The following CA10 variants were observed in gnomAD, a reference collection of about 807,000 sequenced individuals.
The protein encoded by CA10 is carbonic anhydrase 10 (inactive), also known as carbonic anhydrase-related protein 10.
In CA10, 14 loss-of-function variants were observed where a neutral mutation model predicts 44.2. That is an observed-to-expected ratio of 0.32 (90% CI 0.21 to 0.50). The LOEUF is 0.50. CA10 is among the 20% of genes least tolerant of loss of function. The probability of loss-of-function intolerance (pLI) is 0.99; values close to 1 mark genes in which losing one functional copy is unlikely to be tolerated. For synonymous variants in CA10, 159 were observed against 141.6 expected, an observed-to-expected ratio of 1.12 and a Z score of -0.87; for missense variants, 350 against 409.7, an observed-to-expected ratio of 0.85 and a Z score of 1.26.
chr17:51,975,538 G>T (rs1984431996), intron 2 of CA10, among the ~76,000 whole-genome samples: 1 of 152,208 alleles, frequency 6.6e-6, no homozygotes, highest in Non-Finnish European at 1.5e-5. Context: ...AACGTAGACA[G>T]GCATGGTGGC....
intron 1 of CA10, among the ~76,000 whole-genome samples, chr17:52,125,207 C>T (rs754418403): frequency 7.2e-5 from 11 of 152,200 alleles, no homozygotes; most frequent in East Asian, 1.9e-4. Context: ...TGAGTGCTTC[C>T]GCCATCGTGG....
chr17:51,963,549 C>G (rs914291622), intron 2 of CA10, among the ~76,000 whole-genome samples: 2 of 152,166 alleles, frequency 1.3e-5, no homozygotes, highest in African/African-American at 4.8e-5. Flanking sequence ...AAGGAACCAC[C>G]TAAGGCTAAC....
chr17:51,694,222 A>G (rs1915324854), intron 4 of CA10, among the ~76,000 whole-genome samples: 1 of 151,706 alleles, frequency 6.6e-6, no homozygotes, highest in African/African-American at 2.4e-5. Flanking sequence ...AAAAAAAAAG[A>G]AATCTCCAAA....
chr17:51,737,502 AGAG>A (rs1916951970), intron 4 of CA10, among the ~76,000 whole-genome samples: 1 of 152,132 alleles, frequency 6.6e-6, no homozygotes, highest in Non-Finnish European at 1.5e-5. Context: ...CTATCACAGA[AGAG>A]TTTTCTTTGC....
At chr17:51,676,234 A>T (rs552551016) in intron 4 of CA10, among the ~76,000 whole-genome samples, 2 of 152,316 alleles carry the variant, frequency 1.3e-5, no homozygotes, top group South Asian at 2.1e-4. Flanking sequence ...TTGAGCACTT[A>T]TGTGTGCCAG....
chr17:51,964,288 AACTT>A (rs1176539224), intron 2 of CA10, among the ~76,000 whole-genome samples: 2 of 152,074 alleles, frequency 1.3e-5, no homozygotes, highest in African/African-American at 4.8e-5. Context: ...CTGTAGAAAA[AACTT>A]ACACAGCCAC....
At chr17:51,924,414 T>C (rs749682319) in intron 3 of CA10, among the ~76,000 whole-genome samples, 6 of 152,206 alleles carry the variant, frequency 3.9e-5, no homozygotes, top group African/African-American at 7.2e-5. Flanking sequence ...GAAGCATTTA[T>C]ACCTGATTTA....
chr17:52,130,934 T>C (rs1989224727), intron 1 of CA10, among the ~76,000 whole-genome samples: 1 of 152,208 alleles, frequency 6.6e-6, no homozygotes, highest in Admixed American at 6.5e-5. Context: ...TGAATAACTA[T>C]GTATTGTATA....
chr17:52,155,921 A>T lies in CA10; in HGVS notation c.61+1805T>A, dbSNP rs566153375. Among the ~76,000 whole-genome samples, 6 of 152,334 alleles carry T rather than the reference A, an allele frequency of 3.9e-5. No homozygotes were observed. In the South Asian group the frequency reaches 1.2e-3, roughly 32 times the overall value. ...GTTGCTGATACACCAAATCAAATAT[A>T]GCTGTGACAGGTATCCCACTAATGC... On this transcript the variant is annotated intron_variant, in intron 1 of 8. Coordinates refer to ENST00000451037, the MANE Select transcript of CA10 (RefSeq NM_020178.5).
Position 52,053,073 on chromosome 17 carries a change from C to T in CA10, c.136+19246G>A, listed in dbSNP as rs559462384. Among the ~76,000 whole-genome samples, 14 of 152,082 alleles carry T rather than the reference C, an allele frequency of 9.2e-5. No homozygotes were observed. In the East Asian group the frequency reaches 2.7e-3, roughly 30 times the overall value. On this transcript the variant is annotated intron_variant, in intron 2 of 8. Coordinates refer to ENST00000451037, the MANE Select transcript of CA10 (RefSeq NM_020178.5). ...TGACACAGAAATGAAAAAATAAGGA[C>T]AATTCTTTAGAGGACTAAAATGCAA...
At position 51,862,941 on chromosome 17, in the gene CA10, C is replaced by T. The variant is rs115586735; in HGVS notation, c.279+68049G>A. On this transcript the variant is annotated intron_variant, in intron 3 of 8. Transcript: ENST00000451037. ...AGCCCCATATCCAAATATCAATACT[C>T]TAGACATTAAGGCTTCAATACATGA... Among the ~76,000 whole-genome samples the T allele has an allele frequency of 2.3e-3, 355 of 152,212 alleles. 1 individual carries two copies. The highest frequency in any genetic ancestry group is 7.8e-3 in the African/African-American group (322 of 41,530).
chr17:52,038,880 G>C (rs979238981), intron 2 of CA10, among the ~76,000 whole-genome samples: 1 of 152,084 alleles, frequency 6.6e-6, no homozygotes, highest in South Asian at 2.1e-4. Flanking sequence ...TCTGGGTCCT[G>C]TTTCGAATTA....
At chr17:51,984,328 C>T (rs1429603322) in intron 2 of CA10, among the ~76,000 whole-genome samples, 1 of 151,602 alleles carries the variant, frequency 6.6e-6, no homozygotes, top group African/African-American at 2.4e-5. Context: ...ATGACACAAC[C>T]TACCAAAACC....
intron 1 of CA10, among the ~76,000 whole-genome samples, chr17:52,073,742 C>T (rs150368138): frequency 1.7e-3 from 254 of 152,172 alleles, no homozygotes; most frequent in African/African-American, 5.6e-3. Context: ...AGGAAGATCC[C>T]GAGGTCAGCT....
At chr17:51,974,394 A>C (rs1181912035) in intron 2 of CA10, among the ~76,000 whole-genome samples, 1 of 87,516 alleles carries the variant, frequency 1.1e-5, no homozygotes, top group Non-Finnish European at 2.4e-5. Context: ...TTTAAAAAAA[A>C]AAAACAAAAA....
intron 3 of CA10, among the ~76,000 whole-genome samples, chr17:51,870,060 C>G (rs1456304678): frequency 1.3e-5 from 2 of 152,210 alleles, no homozygotes; most frequent in Non-Finnish European, 2.9e-5. Context: ...TAAGGCCAAT[C>G]TATTGCTGCA....
At chr17:51,709,000 C>T (rs966816653) in intron 4 of CA10, among the ~76,000 whole-genome samples, 1 of 152,232 alleles carries the variant, frequency 6.6e-6, no homozygotes, top group Non-Finnish European at 1.5e-5. Flanking sequence ...GGGACTTCAC[C>T]TTGTGATTGT....
At chr17:52,018,417 A>C (rs1185648141) in intron 2 of CA10, among the ~76,000 whole-genome samples, 2 of 152,104 alleles carry the variant, frequency 1.3e-5, no homozygotes, top group Admixed American at 1.3e-4. Flanking sequence ...CCTCATACCC[A>C]TGTTCCCAGG....
intron 2 of CA10, among the ~76,000 whole-genome samples, chr17:52,002,055 A>T (rs1016672449): frequency 3.9e-5 from 6 of 151,950 alleles, no homozygotes; most frequent in African/African-American, 1.4e-4. Context: ...TTTAACAAAA[A>T]TATGTTAGGA....
Sources: allele counts gnomAD v4.1 joint callset (sites outside exome capture counted in the v4.1 genomes callset), GRCh38; gene constraint gnomAD v4.1.1; transcripts MANE v1.5; gene names NCBI Gene and HGNC (gene_info 2026-07-23, HGNC 2026-07-21).